Variants in LUZP2 observed in about 807,000 individuals in gnomAD.
The protein encoded by LUZP2 is leucine zipper protein 2.
A neutral mutation model predicts 51.6 loss-of-function variants in LUZP2; 52 were observed. That is an observed-to-expected ratio of 1.01 (90% CI 0.81 to 1.27). The LOEUF (loss-of-function observed/expected upper bound fraction) is 1.27. Ranked by LOEUF, LUZP2 falls within the 50% of genes most tolerant of loss-of-function variation. LUZP2 has a pLI of 0.00. For synonymous variants in LUZP2, 154 were observed against 137.3 expected (o/e 1.12, Z -0.85); for missense variants, 436 against 395.4 (o/e 1.10, Z -0.87).
At position 24,680,256 on chromosome 11, in the gene LUZP2, C is replaced by G. The variant is rs115600425; in HGVS notation, c.63-48913C>G. Among the ~76,000 whole-genome samples, 1,151 of 152,342 alleles carry G rather than the reference C, an allele frequency of 7.6e-3. 14 individuals carry two copies. The highest frequency in any genetic ancestry group is 0.026 in the African/African-American group (1,080 of 41,570). ...GAAAAGGAGCAAGGCTCATTACTTT[C>G]ACACTTTGTAAAGTTGCTCCCAGCT... On this transcript the variant is annotated intron_variant, in intron 1 of 11. Coordinates refer to ENST00000336930, the MANE Select transcript of LUZP2 (RefSeq NM_001009909.4).
Position 24,915,070 on chromosome 11 carries a change from C to G in LUZP2, c.522+532C>G, listed in dbSNP as rs181553576. On this transcript the variant is annotated intron_variant, in intron 7 of 11. Transcript: ENST00000336930. ...AATATGAGATATATTGTATGTAAAC[C>G]TTGTTATTTCATGTTATTTTACATT... 6.1e-3 allele frequency among the ~76,000 whole-genome samples: 924 copies of G among 151,482 alleles called. 12 individuals carry two copies. Among genetic ancestry groups the G allele is most frequent in the African/African-American group, 0.022 (888 of 40,996 alleles).
rs1564964373 is a variant in LUZP2, at chr11:24,517,510, A to AAAAAAAAAC, written c.62+20208_62+20209insAAAAACAAA. On this transcript the variant is annotated intron_variant, in intron 1 of 11. Transcript: ENST00000336930. Reference sequence around the variant, plus strand: ...AAAAAAAAAAAAAAAAAAAAAAAAAAAAATTGTAGGTACATATTAAATTTT... The same window carrying AAAAAAAAAC: ...AAAAAAAAAAAAAAAAAAAAAAAAAAAAAAAAAACAAATTGTAGGTACATATTAAATTTT... 2.5e-4 allele frequency among the ~76,000 whole-genome samples: 37 copies of AAAAAAAAAC among 146,698 alleles called. 1 individual carries two copies. The highest frequency in any genetic ancestry group is 3.4e-4 in the Admixed American group (5 of 14,698).
chr11:24,929,132 C>A (rs1565123761), intron 7 of LUZP2, among the ~76,000 whole-genome samples: 1 of 151,836 alleles, frequency 6.6e-6, no homozygotes, highest in Non-Finnish European at 1.5e-5. Flanking sequence ...TCTTGGTTAA[C>A]CTTGCTAATG....
chr11:24,903,192 A>G (rs1319127963), intron 5 of LUZP2, among the ~76,000 whole-genome samples: 1 of 152,174 alleles, frequency 6.6e-6, no homozygotes, highest in Non-Finnish European at 1.5e-5. Flanking sequence ...TTGGGGATAC[A>G]CATCTCTTCA....
chr11:24,930,956 G>A (rs1854426819), intron 7 of LUZP2, among the ~76,000 whole-genome samples: 1 of 152,148 alleles, frequency 6.6e-6, no homozygotes, highest in Middle Eastern at 3.2e-3. Flanking sequence ...GCTCACGCCT[G>A]TAATCCCAGC....
chr11:24,653,493 G>A (rs1468483436), intron 1 of LUZP2, among the ~76,000 whole-genome samples: 3 of 152,144 alleles, frequency 2.0e-5, no homozygotes, highest in Non-Finnish European at 4.4e-5. Flanking sequence ...CCAGTGTTAA[G>A]TAGGCACTTC....
chr11:24,762,308 A>T (rs764317309), intron 4 of LUZP2, among the ~76,000 whole-genome samples: 14 of 152,182 alleles, frequency 9.2e-5, no homozygotes, highest in Non-Finnish European at 1.9e-4. Flanking sequence ...GAGCATTAGA[A>T]ATATGACTAA....
At chr11:24,967,515 T>A (rs1171471273) in intron 7 of LUZP2, among the ~76,000 whole-genome samples, 1 of 151,916 alleles carries the variant, frequency 6.6e-6, no homozygotes, top group African/African-American at 2.4e-5. Context: ...AGTGTACATA[T>A]GTTGAAGTGG....
At chr11:24,722,930 A>G (rs571935102) in intron 1 of LUZP2, among the ~76,000 whole-genome samples, 1 of 151,840 alleles carries the variant, frequency 6.6e-6, no homozygotes, top group African/African-American at 2.4e-5. Flanking sequence ...AAAAAAAGAG[A>G]GAGAGAGAGA....
intron 5 of LUZP2, among the ~76,000 whole-genome samples, chr11:24,791,900 A>G (rs556831295): frequency 6.6e-6 from 1 of 151,692 alleles, no homozygotes; most frequent in East Asian, 1.9e-4. Flanking sequence ...GCAGACTCTG[A>G]TACTGTAAAT....
chr11:24,616,475 A>ATGTGTGTGTGTGTGTGTGTGTG (rs61413263), intron 1 of LUZP2, among the ~76,000 whole-genome samples: 11 of 98,530 alleles, frequency 1.1e-4, no homozygotes, highest in African/African-American at 3.7e-4. Flanking sequence ...TGGCGTGCGC[A>ATGTGTGTGTGTGTGTGTGTGTG]TGTGTGTGTG....
At chr11:24,894,592 A>G (rs1422604665) in intron 5 of LUZP2, among the ~76,000 whole-genome samples, 1 of 149,936 alleles carries the variant, frequency 6.7e-6, no homozygotes, top group Non-Finnish European at 1.5e-5. Flanking sequence ...TTTTCAGCCC[A>G]TGTCTAACTC....
intron 1 of LUZP2, among the ~76,000 whole-genome samples, chr11:24,690,472 C>T (rs1031741638): frequency 3.9e-5 from 6 of 152,084 alleles, no homozygotes; most frequent in East Asian, 1.9e-4. Flanking sequence ...GAGAAGTATC[C>T]TATCAATGTG....
At chr11:24,907,725 T>C (rs2133790817) in intron 6 of LUZP2, among the ~76,000 whole-genome samples, 1 of 152,284 alleles carries the variant, frequency 6.6e-6, no homozygotes, top group East Asian at 1.9e-4. Flanking sequence ...GAGAGGAAGC[T>C]CCTATGAGAA....
chr11:24,868,645 G>A (rs532249347), intron 5 of LUZP2, among the ~76,000 whole-genome samples: 219 of 152,148 alleles, frequency 1.4e-3, no homozygotes, highest in Non-Finnish European at 2.7e-3. Context: ...ATCTATAGTG[G>A]AATACTAAAG....
At chr11:24,837,773 A>G (rs1379504291) in intron 5 of LUZP2, among the ~76,000 whole-genome samples, 1 of 151,680 alleles carries the variant, frequency 6.6e-6, no homozygotes, top group African/African-American at 2.4e-5. Context: ...GTGTGGAATC[A>G]TTTTGGAATT....
chr11:24,947,022 C>T (rs1366770973), intron 7 of LUZP2, among the ~76,000 whole-genome samples: 1 of 151,838 alleles, frequency 6.6e-6, no homozygotes, highest in Non-Finnish European at 1.5e-5. Context: ...TTAGGGGCAC[C>T]AACCCCATGG....
chr11:24,707,238 T>G (rs1857620886), intron 1 of LUZP2, among the ~76,000 whole-genome samples: 1 of 151,972 alleles, frequency 6.6e-6, no homozygotes, highest in Non-Finnish European at 1.5e-5. Context: ...AAAGCTTATA[T>G]TCAAATCTAT....
intron 1 of LUZP2, among the ~76,000 whole-genome samples, chr11:24,601,896 G>GTATATATGTATATATGTA (rs1565019612): frequency 2.0e-4 from 8 of 40,206 alleles, no homozygotes; most frequent in African/African-American, 9.0e-4. Flanking sequence ...ATGTATATAT[G>GTATATATGTATATATGTA]TATATATGTA....
Sources: allele counts gnomAD v4.1 joint callset (sites outside exome capture counted in the v4.1 genomes callset), GRCh38; gene constraint gnomAD v4.1.1; transcripts MANE v1.5; gene names NCBI Gene and HGNC (gene_info 2026-07-23, HGNC 2026-07-21).